The following THSD7B variants were observed in gnomAD, a reference collection of about 807,000 sequenced individuals.
The protein encoded by THSD7B is thrombospondin type-1 domain-containing protein 7B.
Under a neutral mutation model 213.6 loss-of-function variants are expected in THSD7B, and 138 were observed. The ratio of observed to expected loss-of-function variants is 0.65; its 90% CI spans 0.56 to 0.74. The LOEUF is 0.74. THSD7B is among the 30% of genes least tolerant of loss of function. THSD7B has a pLI of 0.00. For synonymous variants in THSD7B, 742 were observed against 687.0 expected, an observed-to-expected ratio of 1.08 and a Z score of -1.25; for missense variants, 1,931 against 1,991.5, an observed-to-expected ratio of 0.97 and a Z score of 0.58.
intron 15 of THSD7B, among the ~76,000 whole-genome samples, chr2:137,522,346 A>T (rs1168689041): frequency 6.6e-6 from 1 of 152,202 alleles, no homozygotes; most frequent in African/African-American, 2.4e-5. Context: ...TGAGTGAGTC[A>T]CTTAATGTCT....
intron 17 of THSD7B, among the ~76,000 whole-genome samples, chr2:137,589,814 G>T (rs1361284160): frequency 6.6e-6 from 1 of 152,104 alleles, no homozygotes; most frequent in South Asian, 2.1e-4. Flanking sequence ...ATTATATACT[G>T]GTTATTGGAC....
chr2:137,587,128 C>T (rs568039861), intron 17 of THSD7B, among the ~76,000 whole-genome samples: 267 of 152,302 alleles, frequency 1.8e-3, no homozygotes, highest in African/African-American at 5.8e-3. Context: ...TTGATCGAAT[C>T]GGCTACTGAA....
intron 1 of THSD7B, among the ~76,000 whole-genome samples, chr2:136,768,445 A>G (rs903287033): frequency 6.6e-6 from 1 of 152,240 alleles, no homozygotes; most frequent in African/African-American, 2.4e-5. Flanking sequence ...TGCACACTTT[A>G]CAAAGATTAG....
chr2:137,071,678 A>G (rs1246096748), intron 3 of THSD7B, among the ~76,000 whole-genome samples: 2 of 152,094 alleles, frequency 1.3e-5, no homozygotes, highest in Non-Finnish European at 2.9e-5. Context: ...GGTGTTGCCT[A>G]TGTCCTGAAT....
intron 15 of THSD7B, among the ~76,000 whole-genome samples, chr2:137,490,628 G>A (rs1237214964): frequency 1.3e-5 from 2 of 152,024 alleles, no homozygotes; most frequent in Non-Finnish European, 2.9e-5. Context: ...AAATTATCAG[G>A]CAAAATCTAT....
chr2:137,101,336 C>T (rs752754491), intron 4 of THSD7B, among the ~76,000 whole-genome samples: 6 of 152,148 alleles, frequency 3.9e-5, no homozygotes, highest in Admixed American at 1.3e-4. Flanking sequence ...GCCACCATGC[C>T]GGCCTTCCAT....
chr2:137,013,780 G>C (rs1686283699), intron 2 of THSD7B, among the ~76,000 whole-genome samples: 1 of 152,138 alleles, frequency 6.6e-6, no homozygotes, highest in Non-Finnish European at 1.5e-5. Context: ...TGTGTGACCT[G>C]CCTCCTCTGG....
intron 27 of THSD7B, among the ~76,000 whole-genome samples, chr2:137,671,229 G>A (rs1251732611): frequency 9.0e-6 from 1 of 111,222 alleles, no homozygotes; most frequent in Admixed American, 1.2e-4. Flanking sequence ...GTATATTTAT[G>A]ATTTGCTTTT....
chr2:137,629,039 A>G lies in THSD7B; in HGVS notation c.3799+8313A>G, dbSNP rs75631881. 5.1e-3 allele frequency among the ~76,000 whole-genome samples: 776 copies of G among 152,246 alleles called. 12 individuals carry two copies. Among genetic ancestry groups the G allele is most frequent in the African/African-American group, 0.018 (738 of 41,546 alleles). On this transcript the variant is annotated intron_variant, in intron 20 of 27. Transcript: ENST00000409968. ...CTAAGGGGCCAGTGACCCTGTTTGTATTCTTTGTGGGTGAATCTTCACAGT... is the reference window on the plus strand; with the variant it reads ...CTAAGGGGCCAGTGACCCTGTTTGTGTTCTTTGTGGGTGAATCTTCACAGT...
intron 1 of THSD7B, among the ~76,000 whole-genome samples, chr2:136,875,227 G>C (rs1163098484): frequency 6.6e-6 from 1 of 152,138 alleles, no homozygotes; most frequent in Non-Finnish European, 1.5e-5. Context: ...TTTGAGACCA[G>C]GCTGGCCAAA....
chr2:137,332,615 G>A (rs1573966429), intron 12 of THSD7B, among the ~76,000 whole-genome samples: 1 of 152,238 alleles, frequency 6.6e-6, no homozygotes, highest in East Asian at 1.9e-4. Flanking sequence ...GCCAGGGGTG[G>A]AATGATATGT....
chr2:137,282,351 G>C (rs1683046148), intron 12 of THSD7B, among the ~76,000 whole-genome samples: 1 of 152,118 alleles, frequency 6.6e-6, no homozygotes, highest in South Asian at 2.1e-4. Flanking sequence ...CCGTTCTGTA[G>C]GTTGCCTGTT....
chr2:137,080,006 A>AT (rs986100651), intron 3 of THSD7B, among the ~76,000 whole-genome samples: 8 of 151,700 alleles, frequency 5.3e-5, no homozygotes, highest in South Asian at 2.1e-4. Flanking sequence ...CTCTCTGCTA[A>AT]TTTTTTTGTA....
chr2:137,143,011 A>G (rs1174343150), intron 5 of THSD7B, among the ~76,000 whole-genome samples: 1 of 152,142 alleles, frequency 6.6e-6, no homozygotes, highest in South Asian at 2.1e-4. Context: ...GGAAGATAAA[A>G]AGTCTAGCAT....
chr2:137,500,985 T>C (rs1281836622), intron 15 of THSD7B, among the ~76,000 whole-genome samples: 1 of 152,184 alleles, frequency 6.6e-6, no homozygotes, highest in Non-Finnish European at 1.5e-5. Flanking sequence ...CAAAGATTTA[T>C]AGTTTTGTTA....
Position 137,642,674 on chromosome 2 carries a change from T to TA in THSD7B, c.3945+42dup, listed in dbSNP as rs1456555092. ...ACAGTTAGAGAAATATTCATCAGTA[T>TA]ATTCGAAGCACTTGTCTGGTCAAAC... is the stretch of plus-strand genomic sequence containing the variant. On this transcript the variant is annotated intron_variant, in intron 21 of 27. Coordinates refer to ENST00000409968, the MANE Select transcript of THSD7B (RefSeq NM_001316349.2). The TA allele has an allele frequency of 3.7e-6, 6 of 1,604,752 alleles. No homozygotes were observed. In the East Asian group the frequency reaches 1.1e-4, roughly 30 times the overall value.
chr2:136,912,746 C>G (rs747954755), intron 2 of THSD7B, among the ~76,000 whole-genome samples: 1 of 152,148 alleles, frequency 6.6e-6, no homozygotes, highest in Admixed American at 6.5e-5. Flanking sequence ...CTCATTTTCT[C>G]TTGGTGCTGC....
intron 17 of THSD7B, among the ~76,000 whole-genome samples, chr2:137,594,844 T>C (rs1348398559): frequency 6.6e-6 from 1 of 151,966 alleles, no homozygotes; most frequent in East Asian, 1.9e-4. Flanking sequence ...AATTCATGAA[T>C]ATGGCATATC....
chr2:137,655,439 G>C, intron 21 of THSD7B, 62 bp from the exon 22 acceptor site: 1 of 1,516,816 alleles, frequency 6.6e-7, no homozygotes, highest in Non-Finnish European at 8.9e-7. Context: ...GAGGTGGCAA[G>C]AGCCAAAACT....
Sources: gnomAD v4.1 joint callset for allele counts (sites outside exome capture counted in the v4.1 genomes callset) on GRCh38, gnomAD v4.1.1 for gene constraint, MANE v1.5 for transcripts, NCBI Gene and HGNC (gene_info 2026-07-23, HGNC 2026-07-21) for gene names.